Variants in SIAE observed in about 807,000 individuals in gnomAD.
SIAE encodes sialic acid acetylesterase.
A neutral mutation model predicts 52.6 loss-of-function variants in SIAE; 39 were observed. The observed-to-expected ratio is 0.74, with a 90% CI of 0.57 to 0.97. The LOEUF is 0.97. SIAE is among the 50% of genes least tolerant of loss of function. SIAE has a pLI of 0.00. For synonymous variants in SIAE, 233 were observed against 241.4 expected (o/e 0.97, Z 0.32); for missense variants, 592 against 662.1 (o/e 0.89, Z 1.16).
At position 124,633,547 on chromosome 11, in the gene SIAE, A is replaced by T. The variant is rs1164967380; in HGVS notation, c.*3404T>A. 6.6e-6 allele frequency: 1 copy of T among 152,232 alleles called. No homozygotes were observed. The highest frequency in any genetic ancestry group is 6.5e-5 in the Admixed American group (1 of 15,278). The allele number at this position is 152,232 out of a possible 1,614,324, so 9.4% of individuals were successfully genotyped here. ...ATGGGATTGGTACTTTATAGTAATA[A>T]ATCTGACCAGCAGAGGGAGGGATCA... On this transcript the variant is annotated 3_prime_UTR_variant, in exon 10 of 10. Transcript: ENST00000263593.
chr11:124,638,739 T>C lies in SIAE; in HGVS notation c.1125-2A>G. On this transcript the variant is annotated splice_acceptor_variant, in intron 8 of 9. Coordinates refer to ENST00000263593, the MANE Select transcript of SIAE (RefSeq NM_170601.5). LOFTEE classifies it high-confidence loss of function. ...GTCTGTTTATCTCGAGGGTGGATGCTACAGGATAAGGAACAAGTAGAGAAC... is the reference window on the plus strand; with the variant it reads ...GTCTGTTTATCTCGAGGGTGGATGCCACAGGATAAGGAACAAGTAGAGAAC... 1 of 1,613,636 alleles carries C rather than the reference T, an allele frequency of 6.2e-7. No individual in the cohort carries two copies. The highest frequency in any genetic ancestry group is 2.2e-5 in the East Asian group (1 of 44,880).
chr11:124,675,402 T>C (rs894517861), upstream of SIAE: 2 of 1,612,028 alleles, frequency 1.2e-6, no homozygotes, highest in South Asian at 1.1e-5. Flanking sequence ...TTGAGAGCCT[T>C]CTAGAGAAAA....
chr11:124,637,206 A>G lies in SIAE; in HGVS notation c.1321-4T>C, dbSNP rs756672398. ...GATGGTCACTGCAACAGGAGATCTA[A>G]TAAGAGAGCCATAAAATAGGAATGA... On this transcript the variant is annotated splice_region_variant and splice_polypyrimidine_tract_variant and intron_variant, in intron 9 of 9. Coordinates refer to ENST00000263593, the MANE Select transcript of SIAE (RefSeq NM_170601.5). The G allele has an allele frequency of 5.0e-6, 8 of 1,614,158 alleles. No individual in the cohort carries two copies. The highest frequency in any genetic ancestry group is 5.9e-6 in the Non-Finnish European group (7 of 1,180,024).
At chr11:124,659,388 G>A (rs1943149288) in intron 3 of SIAE, 1 of 152,136 alleles carries the variant, frequency 6.6e-6, no homozygotes, top group South Asian at 2.1e-4. Flanking sequence ...ACTCTCTTAT[G>A]CTAAAAGAGT....
chr11:124,641,228 GATT>G (rs947734744), intron 7 of SIAE, among the ~76,000 whole-genome samples: 4 of 152,198 alleles, frequency 2.6e-5, no homozygotes, highest in Non-Finnish European at 4.4e-5. Flanking sequence ...AACAGGCAAA[GATT>G]ATTATTATAG....
chr11:124,638,438 C>T, intron 9 of SIAE, 104 bp downstream of exon 9: 1 of 1,307,570 alleles, frequency 7.6e-7, no homozygotes, highest in Non-Finnish European at 1.1e-6. Context: ...CCCAACCAAC[C>T]AAGACCCGCC....
intron 3 of SIAE, 126 bp from the exon 4 acceptor site, chr11:124,654,919 C>T (rs1943074098): frequency 9.1e-7 from 1 of 1,093,758 alleles, no homozygotes; most frequent in African/African-American, 1.5e-5. Flanking sequence ...ATAACCAAAA[C>T]CAATGGGCTG....
chr11:124,633,525 G>A lies in SIAE; in HGVS notation c.*3426C>T, dbSNP rs1942655534. The stretch of plus-strand genomic sequence containing the variant: ...TTGCCAATTGAGGACAACACAAATG[G>A]GATTGGTACTTTATAGTAATAAATC... On this transcript the variant is annotated 3_prime_UTR_variant, in exon 10 of 10. Transcript: ENST00000263593. The A allele has an allele frequency of 6.6e-6, 1 of 152,198 alleles. No homozygotes were observed. Among genetic ancestry groups the A allele is most frequent in the African/African-American group, 2.4e-5 (1 of 41,438 alleles). The allele number at this position is 152,198 out of a possible 1,614,324, so 9.4% of individuals were successfully genotyped here.
At chr11:124,655,365 C>T (rs888579720) in intron 3 of SIAE, among the ~76,000 whole-genome samples, 2 of 151,992 alleles carry the variant, frequency 1.3e-5, no homozygotes, top group African/African-American at 2.4e-5. Context: ...TTAGTAGAGA[C>T]GGGGTTTCAC....
chr11:124,651,850 G>A (rs1341257762), intron 4 of SIAE, among the ~76,000 whole-genome samples: 1 of 152,180 alleles, frequency 6.6e-6, no homozygotes, highest in African/African-American at 2.4e-5. Flanking sequence ...TCCAGGACAT[G>A]ATGGAGAGTC....
chr11:124,638,537 C>T lies in SIAE; in HGVS notation c.1320+5G>A. 6.2e-7 allele frequency: 1 copy of T among 1,614,098 alleles called. No individual in the cohort carries two copies. Among genetic ancestry groups the T allele is most frequent in the Non-Finnish European group, 8.5e-7 (1 of 1,179,952 alleles). ...AACCCCTGTTTATTCTGCTGTTCTT[C>T]TCACCTCAAATATCTTGTTGTCCTT... On this transcript the variant is annotated splice_donor_5th_base_variant and intron_variant, in intron 9 of 9. Coordinates refer to ENST00000263593, the MANE Select transcript of SIAE (RefSeq NM_170601.5).
chr11:124,664,756 T>C (rs1943248690), intron 2 of SIAE, among the ~76,000 whole-genome samples: 1 of 152,212 alleles, frequency 6.6e-6, no homozygotes, highest in South Asian at 2.1e-4. Context: ...CAGATGTTAA[T>C]TATTTTGTTC....
chr11:124,672,718 A>G (rs985966267), intron 1 of SIAE, among the ~76,000 whole-genome samples: 2 of 152,138 alleles, frequency 1.3e-5, no homozygotes, highest in African/African-American at 4.8e-5. Flanking sequence ...GAGTGCTAGC[A>G]TTTTGCACTT....
In SIAE at chr11:124,654,762, G is replaced by C. The variant is rs755113211; in HGVS notation, c.437C>G (p.Thr146Ser). The C allele has an allele frequency of 1.2e-6, 2 of 1,614,048 alleles. No individual in the cohort carries two copies. Among genetic ancestry groups the C allele is most frequent in the South Asian group, 2.2e-5 (2 of 91,074 alleles). Residue 146 changes from threonine to serine, a missense_variant, in exon 4 of 10, where the codon ACT (threonine) becomes AGT (serine). Coordinates refer to ENST00000263593, the MANE Select transcript of SIAE (RefSeq NM_170601.5). ...IFNATRELSNTAAYQSVRILS... is the reference protein window; with the variant it reads ...IFNATRELSNSAAYQSVRILS... Reference sequence around the variant, plus strand: ...GATGCGGACAGACTGATATGCCGCAGTGTTAGACAACTCCCTTGTAGCATT... The same window carrying C: ...GATGCGGACAGACTGATATGCCGCACTGTTAGACAACTCCCTTGTAGCATT...
chr11:124,672,694 G>C (rs556968693), intron 1 of SIAE, among the ~76,000 whole-genome samples: 1 of 152,314 alleles, frequency 6.6e-6, no homozygotes, highest in East Asian at 1.9e-4. Context: ...ATAAGAGTCA[G>C]GAAATGGCAT....
upstream of SIAE, chr11:124,675,408 GA>G (rs761081794): frequency 6.2e-7 from 1 of 1,608,650 alleles, no homozygotes; most frequent in East Asian, 2.2e-5. Context: ...GCCTTCTAGA[GA>G]AAAGAGAGAG....
In SIAE at chr11:124,635,906, A is replaced by C. The variant is rs1197147760; in HGVS notation, c.*1045T>G. ...AACTGCATTAAGATTCTTAATAAACAAACACTGAAGGCCTCTTTCATATTT... is the reference window on the plus strand; with the variant it reads ...AACTGCATTAAGATTCTTAATAAACCAACACTGAAGGCCTCTTTCATATTT... On this transcript the variant is annotated 3_prime_UTR_variant, in exon 10 of 10. Transcript: ENST00000263593. 2 of 152,216 alleles carry C rather than the reference A, an allele frequency of 1.3e-5. No homozygotes were observed. The highest frequency in any genetic ancestry group is 1.5e-5 in the Non-Finnish European group (1 of 68,028). The allele number at this position is 152,216 out of a possible 1,614,324, so 9.4% of individuals were successfully genotyped here. A position where few individuals can be genotyped will look rare whatever the true frequency, so the allele number is the denominator to read the frequency against.
chr11:124,645,881 T>A lies in SIAE; in HGVS notation c.966+1484A>T, dbSNP rs1330786993. On this transcript the variant is annotated intron_variant, in intron 7 of 9. Coordinates refer to ENST00000263593, the MANE Select transcript of SIAE (RefSeq NM_170601.5). The surrounding 1 kb of genome is among the most constrained non-coding windows in gnomAD (Gnocchi z 4.7). The stretch of plus-strand genomic sequence containing the variant: ...AAAATAATCATAAAGGCATTTTAAG[T>A]GAGAAGGTCTATACAAATATTCAAA... Among the ~76,000 whole-genome samples the A allele has an allele frequency of 6.6e-6, 1 of 152,138 alleles. No homozygotes were observed. Among genetic ancestry groups the A allele is most frequent in the African/African-American group, 2.4e-5 (1 of 41,420 alleles).
intron 1 of SIAE, among the ~76,000 whole-genome samples, chr11:124,673,023 C>T (rs544304782): frequency 6.6e-6 from 1 of 152,324 alleles, no homozygotes; most frequent in South Asian, 2.1e-4. Context: ...ACCTGCGCAA[C>T]AGCCAAAGGG....
Sources: gnomAD v4.1 joint callset for allele counts (sites outside exome capture counted in the v4.1 genomes callset) on GRCh38, gnomAD v4.1.1 for gene constraint, Gnocchi (gnomAD v3.1) non-coding constraint, MANE v1.5 for transcripts, NCBI Gene and HGNC (gene_info 2026-07-23, HGNC 2026-07-21) for gene names.